The following ARHGAP28 variants were observed in gnomAD, a reference collection of about 807,000 sequenced individuals.
The protein encoded by ARHGAP28 is Rho GTPase activating protein 28, also known as rho GTPase-activating protein 28.
A neutral mutation model predicts 90.7 loss-of-function variants in ARHGAP28; 56 were observed. The ratio of observed to expected loss-of-function variants is 0.62; its 90% CI spans 0.50 to 0.77. The LOEUF (loss-of-function observed/expected upper bound fraction) is 0.77. Ranked by LOEUF, ARHGAP28 falls within the 30% of genes least tolerant of loss-of-function variation. The pLI, the probability that ARHGAP28 is intolerant of heterozygous loss-of-function variation, is 0.00. For missense variants in ARHGAP28, 869 were observed against 900.9 expected (o/e 0.96, Z 0.45); for synonymous variants, 308 against 323.3 (o/e 0.95, Z 0.51).
At chr18:6,730,004 G>T (rs1349274240) in intron 1 of ARHGAP28, 61 bp downstream of exon 1, 26 of 1,289,320 alleles carry the variant, frequency 2.0e-5, no homozygotes, top group Non-Finnish European at 2.6e-5. Context: ...GGTTCGCCGT[G>T]CAGCTGCGCC....
intron 2 of ARHGAP28, among the ~76,000 whole-genome samples, chr18:6,826,091 T>G (rs1201692910): frequency 1.3e-5 from 2 of 151,380 alleles, no homozygotes; most frequent in Non-Finnish European, 2.9e-5. Context: ...ACTTAAGCAT[T>G]CTCTTTTGTC....
At chr18:6,800,116 CA>C (rs1364370531) in intron 1 of ARHGAP28, among the ~76,000 whole-genome samples, 1 of 152,180 alleles carries the variant, frequency 6.6e-6, no homozygotes. Context: ...AAAAGCTCAT[CA>C]TCACTGGTCA....
In ARHGAP28 at chr18:6,890,560, G is replaced by A. The variant is rs1021848923; in HGVS notation, c.1848+17G>A. The A allele has an allele frequency of 1.9e-6, 3 of 1,540,884 alleles. No homozygotes were observed. The highest frequency in any genetic ancestry group is 1.4e-5 in the African/African-American group (1 of 72,896). On this transcript the variant is annotated intron_variant, in intron 14 of 17. Transcript: ENST00000383472. ...GAGCGGGAGGTAAGACAGCAAATGA[G>A]GCATGGCGATTGTCCACTGCCTAGA...
intron 17 of ARHGAP28, among the ~76,000 whole-genome samples, chr18:6,910,409 C>T (rs1467236410): frequency 6.6e-6 from 1 of 152,158 alleles, no homozygotes; most frequent in Non-Finnish European, 1.5e-5. Flanking sequence ...TATGTGGATG[C>T]CACTGAGATT....
chr18:6,866,613 C>T (rs190487380), intron 5 of ARHGAP28, among the ~76,000 whole-genome samples: 3 of 152,286 alleles, frequency 2.0e-5, no homozygotes, highest in Admixed American at 6.5e-5. Context: ...GCTTCATTTT[C>T]GTAATGCTTT....
At chr18:6,851,926 G>A (rs187628702) in intron 4 of ARHGAP28, among the ~76,000 whole-genome samples, 135 of 152,218 alleles carry the variant, frequency 8.9e-4, no homozygotes, top group Non-Finnish European at 1.6e-3. Context: ...ATTCAAAGGA[G>A]GCATGAGTCC....
chr18:6,907,628 CT>C (rs1404881213), intron 16 of ARHGAP28, among the ~76,000 whole-genome samples: 2 of 152,044 alleles, frequency 1.3e-5, no homozygotes, highest in African/African-American at 4.8e-5. Context: ...TAGGGAAGTG[CT>C]GCTGGGGGTG....
intron 16 of ARHGAP28, among the ~76,000 whole-genome samples, chr18:6,903,524 T>G (rs1462629988): frequency 6.6e-6 from 1 of 151,750 alleles, no homozygotes; most frequent in Non-Finnish European, 1.5e-5. Context: ...ATTCTGTAAA[T>G]AAAACAAGAT....
intron 4 of ARHGAP28, 142 bp downstream of exon 4, chr18:6,851,268 G>A (rs8087719): frequency 0.7 from 472,697 of 678,998 alleles, 166,212 homozygotes; most frequent in East Asian, 0.84. Context: ...TACCTTAGGT[G>A]ATTTTTAAGG....
intron 1 of ARHGAP28, among the ~76,000 whole-genome samples, chr18:6,740,943 G>T (rs1329960113): frequency 1.3e-5 from 2 of 152,214 alleles, no homozygotes; most frequent in African/African-American, 4.8e-5. Flanking sequence ...GGGCTACTGG[G>T]TTCGGGGAAG....
At chr18:6,848,378 G>T (rs533847739) in intron 3 of ARHGAP28, among the ~76,000 whole-genome samples, 22 of 152,116 alleles carry the variant, frequency 1.4e-4, no homozygotes, top group Non-Finnish European at 2.6e-4. Flanking sequence ...TCAGGGTCAG[G>T]TTTATAGGGT....
chr18:6,783,362 C>T (rs1009636215), intron 1 of ARHGAP28, among the ~76,000 whole-genome samples: 10 of 150,720 alleles, frequency 6.6e-5, no homozygotes, highest in African/African-American at 2.2e-4. Context: ...AGTGCAATGG[C>T]GCGATCTCAG....
intron 13 of ARHGAP28, 35 bp from the exon 14 acceptor site, chr18:6,890,395 T>C (rs1309986173): frequency 7.2e-7 from 1 of 1,397,356 alleles, no homozygotes. Flanking sequence ...AATTCAAGTG[T>C]TTTCCATCCA....
chr18:6,784,464 G>A (rs2056351080), intron 1 of ARHGAP28, among the ~76,000 whole-genome samples: 1 of 152,126 alleles, frequency 6.6e-6, no homozygotes, highest in African/African-American at 2.4e-5. Flanking sequence ...CTCCTGCCCT[G>A]TCTCCAACCA....
chr18:6,747,711 A>G (rs1485773306), intron 1 of ARHGAP28, among the ~76,000 whole-genome samples: 1 of 152,190 alleles, frequency 6.6e-6, no homozygotes, highest in Non-Finnish European at 1.5e-5. Context: ...GGTAGAAACT[A>G]CTTTACACAT....
intron 15 of ARHGAP28, among the ~76,000 whole-genome samples, chr18:6,895,688 T>A (rs1397090017): frequency 6.6e-6 from 1 of 152,206 alleles, no homozygotes; most frequent in African/African-American, 2.4e-5. Flanking sequence ...TTAAGGGCAC[T>A]CCCTACTGCA....
chr18:6,884,978 T>C (rs1264034386), intron 11 of ARHGAP28, among the ~76,000 whole-genome samples: 5 of 152,244 alleles, frequency 3.3e-5, no homozygotes, highest in Non-Finnish European at 7.3e-5. Flanking sequence ...GTTTTTGTGC[T>C]TTTACCCAAA....
intron 4 of ARHGAP28, among the ~76,000 whole-genome samples, chr18:6,856,304 A>G (rs1042505082): frequency 4.6e-5 from 7 of 152,166 alleles, no homozygotes; most frequent in African/African-American, 1.7e-4. Context: ...TTCCCAAAGC[A>G]GTTTTTTAAT....
chr18:6,801,332 G>A (rs2056480313), intron 1 of ARHGAP28, among the ~76,000 whole-genome samples: 1 of 152,276 alleles, frequency 6.6e-6, no homozygotes, highest in East Asian at 1.9e-4. Context: ...ATATGTGTTA[G>A]TGTATTTTTG....
Sources: gnomAD v4.1 joint callset for allele counts (sites outside exome capture counted in the v4.1 genomes callset) on GRCh38, gnomAD v4.1.1 for gene constraint, MANE v1.5 for transcripts, NCBI Gene and HGNC (gene_info 2026-07-23, HGNC 2026-07-21) for gene names.